M1AP: variants seen among roughly 807,000 people sequenced by gnomAD.
M1AP encodes meiosis 1 associated protein, also known as meiosis 1 arrest protein.
In M1AP, 39 loss-of-function variants were observed where a neutral mutation model predicts 51.2. The ratio of observed to expected loss-of-function variants is 0.76; its 90% CI spans 0.59 to 1.00. The LOEUF (loss-of-function observed/expected upper bound fraction) is 1.00, where lower values mean the gene tolerates loss of function less well. M1AP is among the 50% of genes least tolerant of loss of function. M1AP has a pLI of 0.00. For missense variants in M1AP, 545 were observed against 641.2 expected (o/e 0.85, Z 1.62); for synonymous variants, 251 against 249.2 (o/e 1.01, Z -0.07).
chr2:74,595,740 T>A (rs1454328776), intron 4 of M1AP, among the ~76,000 whole-genome samples: 1 of 152,202 alleles, frequency 6.6e-6, no homozygotes, highest in Non-Finnish European at 1.5e-5. Context: ...TAAATGGACT[T>A]AATAGCAAGT....
chr2:74,564,381 G>A (rs1573060329), intron 7 of M1AP, among the ~76,000 whole-genome samples: 3 of 152,308 alleles, frequency 2.0e-5, no homozygotes, highest in African/African-American at 2.4e-5. Context: ...CCATTCCTGC[G>A]GTTGCTGACC....
Position 74,610,173 on chromosome 2 carries a change from TG to T in M1AP, c.427-2951del, listed in dbSNP as rs377128771. Among the ~76,000 whole-genome samples, 70 of 148,538 alleles carry T rather than the reference TG, an allele frequency of 4.7e-4. 3 individuals carry two copies. The East Asian group carries it at 0.011, about 24-fold the overall frequency. ...CATGCCACCATGCCTGGCTTATTTT[TG>T]TATTTTTTTTTTTTGTAGAGATGGA... On this transcript the variant is annotated intron_variant, in intron 3 of 10. Coordinates refer to ENST00000421985, the MANE Select transcript of M1AP (RefSeq NM_001321739.2).
At chr2:74,567,635 G>A (rs1678474442) in intron 7 of M1AP, among the ~76,000 whole-genome samples, 3 of 152,238 alleles carry the variant, frequency 2.0e-5, no homozygotes, top group African/African-American at 4.8e-5. Context: ...GCACCATGAA[G>A]TGTTAACTTT....
chr2:74,588,824 A>G (rs1558663157), intron 4 of M1AP, among the ~76,000 whole-genome samples: 1 of 152,254 alleles, frequency 6.6e-6, no homozygotes. Context: ...TCTCAGAGAG[A>G]GAGAACTGTT....
At chr2:74,591,173 A>G (rs1558664923) in intron 4 of M1AP, among the ~76,000 whole-genome samples, 1 of 152,224 alleles carries the variant, frequency 6.6e-6, no homozygotes, top group Non-Finnish European at 1.5e-5. Flanking sequence ...AGATATGAAC[A>G]TTTTATTCAC....
At chr2:74,578,008 A>G (rs1431386203) in intron 5 of M1AP, among the ~76,000 whole-genome samples, 6 of 152,140 alleles carry the variant, frequency 3.9e-5, no homozygotes, top group African/African-American at 1.4e-4. Flanking sequence ...GGAGTGCACA[A>G]CCTAGATCCC....
chr2:74,638,564 C>T (rs1303178848), intron 2 of M1AP, among the ~76,000 whole-genome samples: 2 of 152,186 alleles, frequency 1.3e-5, no homozygotes, highest in Non-Finnish European at 2.9e-5. Flanking sequence ...TTGGCTTCTT[C>T]ATTGCTCTCT....
At position 74,558,415 on chromosome 2, in the gene M1AP, G is replaced by A; in HGVS notation, c.*301C>T. 2 of 334,358 alleles carry A rather than the reference G, an allele frequency of 6.0e-6. No homozygotes were observed. The highest frequency in any genetic ancestry group is 1.1e-5 in the Non-Finnish European group (2 of 183,836). 20.7% of individuals were successfully genotyped at this position (334,358 alleles called of 1,614,324 possible). A position where few individuals can be genotyped will look rare whatever the true frequency, so the allele number is the denominator to read the frequency against. On this transcript the variant is annotated 3_prime_UTR_variant, in exon 11 of 11. Transcript: ENST00000421985. ...GCTACAAGAAGAAATTCTGAGTTATGAATGCTCCTAACAATGGTAGAAGCT... is the reference window on the plus strand; with the variant it reads ...GCTACAAGAAGAAATTCTGAGTTATAAATGCTCCTAACAATGGTAGAAGCT...
chr2:74,628,170 G>A (rs554952263), intron 2 of M1AP, among the ~76,000 whole-genome samples: 2 of 152,042 alleles, frequency 1.3e-5, no homozygotes, highest in Non-Finnish European at 2.9e-5. Flanking sequence ...AAAACAATAC[G>A]AAAACTACTT....
At chr2:74,582,979 C>A (rs1263687777) in intron 4 of M1AP, among the ~76,000 whole-genome samples, 1 of 151,856 alleles carries the variant, frequency 6.6e-6, no homozygotes, top group African/African-American at 2.4e-5. Flanking sequence ...CAAGATCAGG[C>A]CACTGCATTC....
At position 74,605,858 on chromosome 2, in the gene M1AP, G is replaced by A. The variant is rs377017939; in HGVS notation, c.595+1197C>T. Among the ~76,000 whole-genome samples the A allele has an allele frequency of 2.0e-4, 30 of 150,708 alleles. 1 individual carries two copies. The East Asian group carries it at 4.7e-3, about 23-fold the overall frequency. On this transcript the variant is annotated intron_variant, in intron 4 of 10. Coordinates refer to ENST00000421985, the MANE Select transcript of M1AP (RefSeq NM_001321739.2). ...GGAGCTTGCAGTGAGCCGAGATCGC[G>A]CCACCGCACTCCAGCCTGGGCAACA...
In M1AP at chr2:74,581,671, T is replaced by G. The variant is rs764474781; in HGVS notation, c.769+3A>C. 2 of 1,612,848 alleles carry G rather than the reference T, an allele frequency of 1.2e-6. No individual in the cohort carries two copies. Among genetic ancestry groups the G allele is most frequent in the Non-Finnish European group, 1.7e-6 (2 of 1,179,090 alleles). On this transcript the variant is annotated splice_donor_region_variant and intron_variant, in intron 5 of 10. Coordinates refer to ENST00000421985, the MANE Select transcript of M1AP (RefSeq NM_001321739.2). ...GCCTAAATATCTTTTGGGGATTATG[T>G]ACTTGGATTATCTCTGGGTCTGGAA...
chr2:74,627,340 T>C (rs1343475999), intron 2 of M1AP, among the ~76,000 whole-genome samples: 1 of 152,150 alleles, frequency 6.6e-6, no homozygotes, highest in Non-Finnish European at 1.5e-5. Flanking sequence ...AGAGTACAAA[T>C]ATCTGTGTTG....
intron 4 of M1AP, among the ~76,000 whole-genome samples, chr2:74,598,215 C>G (rs570730911): frequency 6.6e-6 from 1 of 152,190 alleles, no homozygotes; most frequent in South Asian, 2.1e-4. Context: ...AACCCTGTCT[C>G]TACTCAAAAT....
chr2:74,569,110 C>T (rs535441597), intron 7 of M1AP, among the ~76,000 whole-genome samples: 1 of 152,180 alleles, frequency 6.6e-6, no homozygotes, highest in South Asian at 2.1e-4. Flanking sequence ...TTAAAATAAC[C>T]ATGATTAGTA....
At chr2:74,619,611 A>C (rs890925198) in intron 2 of M1AP, among the ~76,000 whole-genome samples, 1 of 152,224 alleles carries the variant, frequency 6.6e-6, no homozygotes, top group Non-Finnish European at 1.5e-5. Context: ...AATGCAAGGA[A>C]GTTTTTTCCT....
intron 4 of M1AP, among the ~76,000 whole-genome samples, chr2:74,587,775 T>C (rs1470899008): frequency 6.6e-6 from 1 of 152,026 alleles, no homozygotes; most frequent in Non-Finnish European, 1.5e-5. Flanking sequence ...AGTGTTTGGA[T>C]AGTTAAAGCA....
chr2:74,622,042 C>A (rs1414340921), intron 2 of M1AP, among the ~76,000 whole-genome samples: 1 of 150,962 alleles, frequency 6.6e-6, no homozygotes, highest in Non-Finnish European at 1.5e-5. Context: ...ATCACTTAGA[C>A]CTGGGAGGCA....
chr2:74,604,865 G>A (rs183652968), intron 4 of M1AP, among the ~76,000 whole-genome samples: 4 of 152,230 alleles, frequency 2.6e-5, no homozygotes, highest in African/African-American at 9.6e-5. Flanking sequence ...AGATCACTAC[G>A]TAGGACCACT....
Sources: gnomAD v4.1 joint callset for allele counts (sites outside exome capture counted in the v4.1 genomes callset) on GRCh38, gnomAD v4.1.1 for gene constraint, MANE v1.5 for transcripts, NCBI Gene and HGNC (gene_info 2026-07-23, HGNC 2026-07-21) for gene names.